The following MGMT variants were observed in gnomAD, a reference collection of about 807,000 sequenced individuals.
The protein encoded by MGMT is methylated-DNA--protein-cysteine methyltransferase.
A neutral mutation model predicts 15.9 loss-of-function variants in MGMT; 14 were observed. The ratio of observed to expected loss-of-function variants is 0.88; its 90% CI spans 0.58 to 1.37. The LOEUF is 1.37. MGMT is among the 40% of genes most tolerant of loss of function. MGMT has a pLI of 0.00. For missense variants in MGMT, 282 were observed against 268.1 expected, an observed-to-expected ratio of 1.05 and a Z score of -0.36; for synonymous variants, 130 against 118.2, an observed-to-expected ratio of 1.10 and a Z score of -0.65.
intron 2 of MGMT, among the ~76,000 whole-genome samples, chr10:129,579,412 A>T (rs1846525564): frequency 6.6e-6 from 1 of 152,210 alleles, no homozygotes; most frequent in African/African-American, 2.4e-5. Flanking sequence ...CTTTCTGCTC[A>T]TCCCCGGATC....
intron 3 of MGMT, among the ~76,000 whole-genome samples, chr10:129,708,518 C>G (rs900120485): frequency 2.0e-5 from 3 of 152,162 alleles, no homozygotes; most frequent in Non-Finnish European, 4.4e-5. Context: ...ATTTCTCAAA[C>G]GTACCAGAGT....
At chr10:129,744,707 C>T (rs528365848) in intron 3 of MGMT, among the ~76,000 whole-genome samples, 35 of 152,332 alleles carry the variant, frequency 2.3e-4, no homozygotes, top group Admixed American at 3.9e-4. Flanking sequence ...TCTCAGTGTG[C>T]GCCTCCACAG....
intron 3 of MGMT, among the ~76,000 whole-genome samples, chr10:129,728,568 G>T (rs931759843): frequency 4.6e-5 from 7 of 152,062 alleles, no homozygotes; most frequent in African/African-American, 1.7e-4. Context: ...CTCATGGCCC[G>T]CTGTGTGGCA....
intron 2 of MGMT, among the ~76,000 whole-genome samples, chr10:129,657,464 T>G (rs1589919268): frequency 6.6e-6 from 1 of 151,582 alleles, no homozygotes; most frequent in East Asian, 2.0e-4. Flanking sequence ...GCCCCTTGTC[T>G]TGTCTGGGGG....
At chr10:129,504,520 C>T (rs1845606124) in intron 1 of MGMT, among the ~76,000 whole-genome samples, 1 of 152,214 alleles carries the variant, frequency 6.6e-6, no homozygotes. Context: ...TGCAGGACGA[C>T]ACTGTTGTTT....
rs369460676 is a variant in MGMT, at chr10:129,659,154, C to T, written c.126-48741C>T. Among the ~76,000 whole-genome samples the T allele has an allele frequency of 6.6e-6, 1 of 152,120 alleles. No homozygotes were observed. The highest frequency in any genetic ancestry group is 2.1e-4 in the South Asian group (1 of 4,816). ...GGTGGATTACCTAAGGTCAGGAGTT[C>T]GAGACCAGCCTGGCCAACACAGTGA... On this transcript the variant is annotated intron_variant, in intron 2 of 4. Coordinates refer to ENST00000651593, the MANE Select transcript of MGMT (RefSeq NM_002412.5). The surrounding 1 kb of genome is among the most constrained non-coding windows in gnomAD (Gnocchi z 4.1).
intron 2 of MGMT, among the ~76,000 whole-genome samples, chr10:129,628,498 C>A (rs562135546): frequency 5.9e-5 from 9 of 152,292 alleles, no homozygotes; most frequent in African/African-American, 2.2e-4. Context: ...GTACCTGTGT[C>A]TGCCCTGGCA....
At chr10:129,510,461 TG>T (rs754042165) in intron 1 of MGMT, among the ~76,000 whole-genome samples, 1 of 152,096 alleles carries the variant, frequency 6.6e-6, no homozygotes, top group Non-Finnish European at 1.5e-5. Flanking sequence ...CCACGTGTCT[TG>T]GGGAAAACAC....
At chr10:129,625,189 T>C (rs1847132656) in intron 2 of MGMT, among the ~76,000 whole-genome samples, 1 of 152,040 alleles carries the variant, frequency 6.6e-6, no homozygotes, top group South Asian at 2.1e-4. Context: ...AGCTTAACAA[T>C]TTAATCTAAA....
chr10:129,539,742 G>A (rs1395551712), intron 2 of MGMT, among the ~76,000 whole-genome samples: 3 of 152,138 alleles, frequency 2.0e-5, no homozygotes, highest in South Asian at 2.1e-4. Context: ...TCCTGACCTC[G>A]TGATCCACCC....
chr10:129,467,460 C>T, intron 1 of MGMT, 164 bp downstream of exon 1: 1 of 979,580 alleles, frequency 1.0e-6, no homozygotes, highest in South Asian at 4.7e-5. Context: ...CAAGTGCCTC[C>T]CAGGTGTTGC....
intron 1 of MGMT, among the ~76,000 whole-genome samples, chr10:129,534,803 G>A (rs905570585): frequency 1.3e-5 from 2 of 151,876 alleles, no homozygotes; most frequent in East Asian, 2.0e-4. Context: ...GAACAGAGCA[G>A]GAAGGTGCCA....
intron 2 of MGMT, among the ~76,000 whole-genome samples, chr10:129,544,979 G>A (rs1210345330): frequency 6.6e-6 from 1 of 152,192 alleles, no homozygotes; most frequent in African/African-American, 2.4e-5. Context: ...AGGACTCGGA[G>A]GGACTGGCAC....
rs150771878 is a variant in MGMT, at chr10:129,510,166, A to G, written c.-12-26075A>G. 4.4e-4 allele frequency among the ~76,000 whole-genome samples: 67 copies of G among 152,284 alleles called. 2 individuals carry two copies. The East Asian group carries it at 0.013, about 29-fold the overall frequency. ...AGGTGGGGGCATCTAAGGAAAGGAA[A>G]TGTTCATGGGATGCGCCACAGAGAT... On this transcript the variant is annotated intron_variant, in intron 1 of 4. Transcript: ENST00000651593.
At position 129,722,744 on chromosome 10, in the gene MGMT, G is replaced by A. The variant is rs114682861; in HGVS notation, c.274+14701G>A. Among the ~76,000 whole-genome samples, 1,383 of 152,186 alleles carry A rather than the reference G, an allele frequency of 9.1e-3. 20 individuals are homozygous for A. Among genetic ancestry groups the A allele is most frequent in the African/African-American group, 0.032 (1,319 of 41,502 alleles). ...TTGTTGGCCAGGCATGGTGGCTTAC[G>A]CCTGTAACCCCAGCACTTTGTGAGG... On this transcript the variant is annotated intron_variant, in intron 3 of 4. Transcript: ENST00000651593.
chr10:129,670,338 C>T (rs1361669625), intron 2 of MGMT, among the ~76,000 whole-genome samples: 2 of 152,070 alleles, frequency 1.3e-5, no homozygotes, highest in Non-Finnish European at 2.9e-5. Context: ...TCAGGTTGTA[C>T]CGAAGTAGTA....
chr10:129,753,215 G>A (rs1174676157), intron 3 of MGMT, among the ~76,000 whole-genome samples: 2 of 152,042 alleles, frequency 1.3e-5, no homozygotes, highest in Admixed American at 6.6e-5. Context: ...CTGTTGCCTT[G>A]TACATAATGC....
chr10:129,710,801 T>G (rs1473682191), intron 3 of MGMT, among the ~76,000 whole-genome samples: 1 of 152,230 alleles, frequency 6.6e-6, no homozygotes, highest in African/African-American at 2.4e-5. Context: ...GAAATCAACC[T>G]GCTTTGCAGA....
At chr10:129,502,294 C>T (rs190285874) in intron 1 of MGMT, among the ~76,000 whole-genome samples, 9 of 152,306 alleles carry the variant, frequency 5.9e-5, no homozygotes, top group Non-Finnish European at 1.2e-4. Context: ...TTCATCTACA[C>T]ACCATTTGAT....
Sources: allele counts gnomAD v4.1 joint callset (sites outside exome capture counted in the v4.1 genomes callset), GRCh38; gene constraint gnomAD v4.1.1; non-coding constraint Gnocchi (gnomAD v3.1); transcripts MANE v1.5; gene names NCBI Gene and HGNC (gene_info 2026-07-23, HGNC 2026-07-21).